Variants in ZBTB41 observed in about 807,000 individuals in gnomAD.
ZBTB41 encodes the protein zinc finger and BTB domain-containing protein 41.
ZBTB41 carries 42 observed loss-of-function variants against 87.6 expected under a neutral mutation model. That is an observed-to-expected ratio of 0.48 (90% confidence interval 0.37 to 0.62). The LOEUF is 0.62. Among genes scored for constraint, ZBTB41 ranks in the 20% least tolerant of loss-of-function variants. ZBTB41 has a pLI of 0.00. For missense variants in ZBTB41, 799 were observed against 1,078.9 expected (o/e 0.74, Z 3.63); for synonymous variants, 364 against 364.0 (o/e 1.00, Z 0.00).
intron 2 of ZBTB41, among the ~76,000 whole-genome samples, chr1:197,196,098 CT>C (rs1660155819): frequency 6.6e-6 from 1 of 152,062 alleles, no homozygotes. Context: ...TTGAAATGAC[CT>C]GAGATGTTAC....
At position 197,159,842 on chromosome 1, in the gene ZBTB41, T is replaced by C. The variant is rs1395547905; in HGVS notation, c.2247A>G (p.Ile749Met). The C allele has an allele frequency of 6.2e-7, 1 of 1,614,026 alleles. No homozygotes were observed. Among genetic ancestry groups the C allele is most frequent in the Non-Finnish European group, 8.5e-7 (1 of 1,179,904 alleles). Residue 749 changes from isoleucine to methionine, a missense_variant, in exon 11 of 11, where the codon ATA (isoleucine) becomes ATG (methionine). By Grantham distance (10) the Ile-to-Met change is conservative. Transcript: ENST00000367405. ...LKYHIDHVHE[I>M]KSPDDPLSTS... ...TACTGAGAGGATCATCAGGAGATTT[T>C]ATTTCATGAACATGGTCAATGTGGT... is the stretch of plus-strand genomic sequence containing the variant.
chr1:197,190,715 T>C (rs750124786), intron 4 of ZBTB41, 47 bp downstream of exon 4: 1 of 1,199,836 alleles, frequency 8.3e-7, no homozygotes. Flanking sequence ...CCAAAAGACG[T>C]TGCATTTACT....
intron 6 of ZBTB41, among the ~76,000 whole-genome samples, chr1:197,179,359 G>C (rs1272426865): frequency 6.6e-6 from 1 of 152,018 alleles, no homozygotes; most frequent in Non-Finnish European, 1.5e-5. Context: ...CATGTTTGTG[G>C]TGATGCTGTT....
chr1:197,194,526 C>A (rs1660113557), intron 2 of ZBTB41, among the ~76,000 whole-genome samples: 1 of 149,344 alleles, frequency 6.7e-6, no homozygotes, highest in Non-Finnish European at 1.5e-5. Context: ...ATACTGAAGT[C>A]ATTGAAATGG....
Position 197,190,835 on chromosome 1 carries a change from T to A in ZBTB41, c.1329-4A>T, listed in dbSNP as rs1660007521. ...TTGTGCATTTTCAGGATGAAATCTATCAGAGGAAAAGAAAAAGATTATTAG... is the reference window on the plus strand; with the variant it reads ...TTGTGCATTTTCAGGATGAAATCTAACAGAGGAAAAGAAAAAGATTATTAG... On this transcript the variant is annotated splice_region_variant and splice_polypyrimidine_tract_variant and intron_variant, in intron 3 of 10. Transcript: ENST00000367405. 2.6e-6 allele frequency: 4 copies of A among 1,559,656 alleles called. No individual in the cohort carries two copies. The East Asian group carries it at 9.1e-5, about 36-fold the overall frequency.
At chr1:197,191,116 A>G (rs920033154) in intron 3 of ZBTB41, among the ~76,000 whole-genome samples, 4 of 152,114 alleles carry the variant, frequency 2.6e-5, no homozygotes, top group South Asian at 4.1e-4. Flanking sequence ...TCTATTAAAT[A>G]TTATTTATCT....
chr1:197,188,486 T>C lies in ZBTB41; in HGVS notation c.1399-47A>G, dbSNP rs1470516737. On this transcript the variant is annotated intron_variant, in intron 4 of 10. Transcript: ENST00000367405. ...ATGTTAAGAGAACCTGAATTAAAAA[T>C]TGTAATATTAAGCTTGTAATGAGAA... 5 of 1,496,990 alleles carry C rather than the reference T, an allele frequency of 3.3e-6. No individual in the cohort carries two copies. In the African/African-American group the frequency reaches 4.2e-5, roughly 13 times the overall value. The allele number at this position is 1,496,990 out of a possible 1,614,324, so 92.7% of individuals were successfully genotyped here.
chr1:197,177,579 T>C (rs185362459), intron 7 of ZBTB41, among the ~76,000 whole-genome samples: 2 of 152,064 alleles, frequency 1.3e-5, no homozygotes, highest in East Asian at 3.9e-4. Context: ...TTTATGAAAA[T>C]TACATCTTAC....
intron 6 of ZBTB41, 69 bp downstream of exon 6, chr1:197,180,919 A>C (rs1659729900): frequency 2.0e-6 from 3 of 1,500,672 alleles, no homozygotes; most frequent in Admixed American, 2.5e-5. Context: ...AATTCCTATA[A>C]ATCATATTGA....
intron 10 of ZBTB41, among the ~76,000 whole-genome samples, chr1:197,167,216 G>T (rs1659367877): frequency 6.6e-6 from 1 of 152,108 alleles, no homozygotes; most frequent in Admixed American, 6.5e-5. Flanking sequence ...TTATTTTTGA[G>T]ACAAGTTCTC....
Position 197,191,827 on chromosome 1 carries a change from T to A in ZBTB41, c.1193A>T (p.Tyr398Phe). ...PFECDICHQRYSTKSNLTVHR... is the reference protein window; with the variant it reads ...PFECDICHQRFSTKSNLTVHR... ...AACAGTTAGGTTAGACTTTGTTGAA[T>A]AGCGCTGGTGACAAATATCACACTC... The change falls in exon 3 of 11, where the codon TAT becomes TTT. Residue 398 changes from tyrosine to phenylalanine, a missense_variant. Around this residue, in one of 5 missense-constraint regions of ZBTB41, gnomAD observed 294 missense variants for 340.1 expected, o/e 0.86. Transcript: ENST00000367405. 1 of 1,614,000 alleles carries A rather than the reference T, an allele frequency of 6.2e-7. No individual in the cohort carries two copies. The highest frequency in any genetic ancestry group is 8.5e-7 in the Non-Finnish European group (1 of 1,179,940).
At chr1:197,191,456 C>CAA (rs537220441) in intron 3 of ZBTB41, among the ~76,000 whole-genome samples, 35 of 85,210 alleles carry the variant, frequency 4.1e-4, no homozygotes, top group African/African-American at 1.1e-3. Context: ...AGCCCTACTT[C>CAA]AAAAAAAAAA....
chr1:197,169,014 C>T (rs1404254065), intron 10 of ZBTB41, among the ~76,000 whole-genome samples: 2 of 151,712 alleles, frequency 1.3e-5, no homozygotes, highest in East Asian at 1.9e-4. Context: ...CACAGAGGTG[C>T]AAATCGAAGC....
chr1:197,176,853 C>A (rs1180722342), intron 7 of ZBTB41, among the ~76,000 whole-genome samples, 183 bp from the exon 8 acceptor site: 2 of 152,064 alleles, frequency 1.3e-5, no homozygotes, highest in African/African-American at 4.8e-5. Flanking sequence ...GACCCCAGGT[C>A]CCTACTCATC....
chr1:197,186,501 T>C (rs977222129), intron 5 of ZBTB41, among the ~76,000 whole-genome samples: 9 of 152,140 alleles, frequency 5.9e-5, no homozygotes, highest in African/African-American at 1.2e-4. Flanking sequence ...AAAAGAAATA[T>C]CTGATAAGTG....
At chr1:197,162,630 G>T (rs1039461002) in intron 10 of ZBTB41, among the ~76,000 whole-genome samples, 6 of 152,114 alleles carry the variant, frequency 3.9e-5, no homozygotes, top group Non-Finnish European at 8.8e-5. Context: ...CTGATGAGAA[G>T]GGAAAGATAA....
chr1:197,181,021 G>A lies in ZBTB41; in HGVS notation c.1643C>T (p.Thr548Ile). The A allele has an allele frequency of 6.3e-7, 1 of 1,599,944 alleles. No individual in the cohort carries two copies. Residue 548 changes from threonine to isoleucine, a missense_variant, in exon 6 of 11, where the codon ACT becomes ATT. Physicochemically the swap from Thr to Ile is moderately conservative, Grantham distance 89. Around this residue, in one of 5 missense-constraint regions of ZBTB41, gnomAD observed 198 missense variants for 358.4 expected, o/e 0.55. Transcript: ENST00000367405. ...ECTHGGKRKWTCFICGKSVRE... is the reference protein window; with the variant it reads ...ECTHGGKRKWICFICGKSVRE... ...TACTGATTTTCCACAGATAAAGCAA[G>A]TCCATTTTCTCTTTCCACCATGAGT...
rs764958156 is a variant in ZBTB41 at position 197,190,883 on chromosome 1, C to A, written c.1329-52G>T. ...TAGGAAAAGGTTATATTAGTTAAATCAATATTCCATGTGAATATGTTGACA... is the reference window on the plus strand; with the variant it reads ...TAGGAAAAGGTTATATTAGTTAAATAAATATTCCATGTGAATATGTTGACA... On this transcript the variant is annotated intron_variant, in intron 3 of 10. Coordinates refer to ENST00000367405, the MANE Select transcript of ZBTB41 (RefSeq NM_194314.3). 24 of 1,194,322 alleles carry A rather than the reference C, an allele frequency of 2.0e-5. No homozygotes were observed. In the African/African-American group the frequency reaches 2.3e-4, roughly 12 times the overall value. The allele number at this position is 1,194,322 out of a possible 1,614,324, so 74.0% of individuals were successfully genotyped here. A position where few individuals can be genotyped will look rare whatever the true frequency, so the allele number is the denominator to read the frequency against.
intron 10 of ZBTB41, among the ~76,000 whole-genome samples, chr1:197,169,062 T>TA (rs1258835583): frequency 2.6e-5 from 4 of 151,260 alleles, no homozygotes; most frequent in Admixed American, 6.6e-5. Context: ...CAAATGGATT[T>TA]AAAAAAAAAG....
Sources: allele counts gnomAD v4.1 joint callset (sites outside exome capture counted in the v4.1 genomes callset), GRCh38; gene constraint gnomAD v4.1.1; regional missense constraint gnomAD v4.1.1; transcripts MANE v1.5; gene names NCBI Gene and HGNC (gene_info 2026-07-23, HGNC 2026-07-21).